Variants in ZSWIM6 observed in about 807,000 individuals in gnomAD.
ZSWIM6 encodes zinc finger SWIM-type containing 6.
ZSWIM6 carries 9 observed loss-of-function variants against 113.2 expected under a neutral mutation model. The observed-to-expected ratio is 0.08, with a 90% confidence interval of 0.05 to 0.14. ZSWIM6 has a LOEUF of 0.14. Ranked by LOEUF, ZSWIM6 falls within the 10% of genes least tolerant of loss-of-function variation. The pLI is 1.00. For synonymous variants in ZSWIM6, 611 were observed against 606.5 expected (o/e 1.01, Z -0.11); for missense variants, 1,162 against 1,552.2 (o/e 0.75, Z 4.22).
intron 1 of ZSWIM6, among the ~76,000 whole-genome samples, chr5:61,399,112 A>T (rs1376514770): frequency 6.7e-6 from 1 of 150,254 alleles, no homozygotes; most frequent in African/African-American, 2.5e-5. Flanking sequence ...TTTAGTAGAG[A>T]CGGGGTTTCT....
At chr5:61,383,054 G>T (rs1191658180) in intron 1 of ZSWIM6, among the ~76,000 whole-genome samples, 1 of 152,072 alleles carries the variant, frequency 6.6e-6, no homozygotes, top group African/African-American at 2.4e-5. Flanking sequence ...CCTGAAAGTG[G>T]TACAATAAAT....
At chr5:61,480,784 C>G (rs976488932) in intron 2 of ZSWIM6, among the ~76,000 whole-genome samples, 7 of 152,110 alleles carry the variant, frequency 4.6e-5, no homozygotes, top group African/African-American at 1.7e-4. Flanking sequence ...AGTTTGTTGT[C>G]TTGCCTTTTC....
chr5:61,400,814 C>G (rs147555695), intron 1 of ZSWIM6, among the ~76,000 whole-genome samples: 2 of 152,112 alleles, frequency 1.3e-5, no homozygotes, highest in African/African-American at 4.8e-5. Context: ...AAAATGTTGA[C>G]CAGGGCAACA....
At chr5:61,407,380 A>G (rs1464311910) in intron 1 of ZSWIM6, among the ~76,000 whole-genome samples, 2 of 152,242 alleles carry the variant, frequency 1.3e-5, no homozygotes, top group African/African-American at 4.8e-5. Context: ...TTATTCTACA[A>G]ACTGCATGGG....
intron 1 of ZSWIM6, among the ~76,000 whole-genome samples, chr5:61,453,367 A>ACT (rs1162013547): frequency 2.1e-4 from 28 of 135,150 alleles, no homozygotes; most frequent in African/African-American, 5.6e-4. Flanking sequence ...CTTTACGTCC[A>ACT]CTCTCTCTCT....
intron 1 of ZSWIM6, among the ~76,000 whole-genome samples, chr5:61,424,844 C>T (rs900192746): frequency 6.6e-6 from 1 of 151,434 alleles, no homozygotes; most frequent in African/African-American, 2.4e-5. Context: ...TCTCCTGCCT[C>T]AGCCTCCTGG....
intron 1 of ZSWIM6, among the ~76,000 whole-genome samples, chr5:61,398,183 A>C (rs368790514): frequency 1.4e-4 from 22 of 152,110 alleles, no homozygotes; most frequent in South Asian, 2.1e-4. Flanking sequence ...CGTTCTAGGA[A>C]CTGGGCCACA....
At chr5:61,488,520 C>T (rs1322271330) in intron 2 of ZSWIM6, among the ~76,000 whole-genome samples, 2 of 151,816 alleles carry the variant, frequency 1.3e-5, no homozygotes, top group East Asian at 3.9e-4. Context: ...TCTTTATTAC[C>T]GATTCAGTGT....
chr5:61,356,651 G>C (rs1744912742), intron 1 of ZSWIM6, among the ~76,000 whole-genome samples: 1 of 141,580 alleles, frequency 7.1e-6, no homozygotes, highest in African/African-American at 2.6e-5. Flanking sequence ...CTGTCTTACA[G>C]GTTTGATATA....
chr5:61,346,076 C>G (rs1359718436), intron 1 of ZSWIM6, among the ~76,000 whole-genome samples: 1 of 152,044 alleles, frequency 6.6e-6, no homozygotes, highest in African/African-American at 2.4e-5. Flanking sequence ...TCCCGAGTAG[C>G]TGGGATTACA....
chr5:61,411,800 T>C (rs868045146), intron 1 of ZSWIM6, among the ~76,000 whole-genome samples: 2 of 152,146 alleles, frequency 1.3e-5, no homozygotes, highest in Non-Finnish European at 2.9e-5. Flanking sequence ...CTAATCCCAT[T>C]CATGAGGGCT....
At chr5:61,396,108 TCTA>T (rs755769490) in intron 1 of ZSWIM6, among the ~76,000 whole-genome samples, 12 of 152,168 alleles carry the variant, frequency 7.9e-5, no homozygotes, top group Non-Finnish European at 1.6e-4. Flanking sequence ...GGGTTTAGCT[TCTA>T]CTTACACCAG....
intron 1 of ZSWIM6, among the ~76,000 whole-genome samples, chr5:61,341,830 C>G (rs1406960991): frequency 6.7e-6 from 1 of 150,018 alleles, no homozygotes; most frequent in Non-Finnish European, 1.5e-5. Context: ...GTACTTCTTT[C>G]ACATAAATGA....
At chr5:61,335,690 T>C (rs1285765337) in intron 1 of ZSWIM6, among the ~76,000 whole-genome samples, 1 of 152,250 alleles carries the variant, frequency 6.6e-6, no homozygotes, top group Non-Finnish European at 1.5e-5. Context: ...CATTGACTTT[T>C]GTAGAGATGA....
Position 61,526,333 on chromosome 5 carries a change from A to G in ZSWIM6, c.1774A>G (p.Ile592Val), listed in dbSNP as rs955750160. 56 of 1,552,098 alleles carry G rather than the reference A, an allele frequency of 3.6e-5. No individual in the cohort carries two copies. The highest frequency in any genetic ancestry group is 5.9e-5 in the Admixed American group (3 of 50,984). ...PREALRLAIAIVNTLRRQQQK... is the reference protein window; with the variant it reads ...PREALRLAIAVVNTLRRQQQK... ...AGAAGCACTGAGACTAGCAATAGCT[A>G]TTGTTAATACATTAAGACGACAGCA... Residue 592 changes from isoleucine to valine, a missense_variant, in exon 7 of 14, where the codon ATT becomes GTT. Ile to Val is a conservative substitution (Grantham distance 29). This residue lies in a region of ZSWIM6 where 620 missense variants were observed against 804.6 expected (regional missense o/e 0.77). Transcript: ENST00000252744.
At chr5:61,390,337 AAAT>A (rs1413194023) in intron 1 of ZSWIM6, among the ~76,000 whole-genome samples, 1 of 152,234 alleles carries the variant, frequency 6.6e-6, no homozygotes, top group Non-Finnish European at 1.5e-5. Flanking sequence ...TAGAATTCAG[AAAT>A]AATGTGACTA....
At chr5:61,490,642 C>G (rs2112214040) in intron 2 of ZSWIM6, 144 bp from the exon 3 acceptor site, 1 of 752,866 alleles carries the variant, frequency 1.3e-6, no homozygotes, top group East Asian at 3.0e-5. Flanking sequence ...TAAGAGTGAT[C>G]CTTGTATTTA....
chr5:61,545,397 G>A lies in ZSWIM6; in HGVS notation c.*1080G>A, dbSNP rs1239401659. ...CCAGAGCAGCAAGCCTTAGCATTAA[G>A]AATATACAATATGCCGGAATTGGGG... On this transcript the variant is annotated 3_prime_UTR_variant, in exon 14 of 14. Coordinates refer to ENST00000252744, the MANE Select transcript of ZSWIM6 (RefSeq NM_020928.2). The A allele has an allele frequency of 6.6e-6, 1 of 152,008 alleles. No homozygotes were observed. Among genetic ancestry groups the A allele is most frequent in the Non-Finnish European group, 1.5e-5 (1 of 68,000 alleles). 9.4% of individuals were successfully genotyped at this position (152,008 alleles called of 1,614,324 possible).
intron 1 of ZSWIM6, among the ~76,000 whole-genome samples, chr5:61,450,455 AT>A (rs1220603682): frequency 1.3e-5 from 2 of 152,178 alleles, no homozygotes; most frequent in African/African-American, 4.8e-5. Context: ...CATTTATGTG[AT>A]TTATTTAAAA....
Sources: gnomAD v4.1 joint callset for allele counts (sites outside exome capture counted in the v4.1 genomes callset) on GRCh38, gnomAD v4.1.1 for gene constraint, gnomAD v4.1.1 regional missense constraint, MANE v1.5 for transcripts, NCBI Gene and HGNC (gene_info 2026-07-23, HGNC 2026-07-21) for gene names.